ACAD11: variants seen among roughly 807,000 people sequenced by gnomAD.
ACAD11 encodes the protein acyl-CoA dehydrogenase family member 11.
Under a neutral mutation model 102.2 loss-of-function variants are expected in ACAD11, and 83 were observed. The observed-to-expected ratio is 0.81, with a 90% CI of 0.68 to 0.97. ACAD11 has a LOEUF of 0.97. Among genes scored for constraint, ACAD11 ranks in the 50% least tolerant of loss-of-function variants. The pLI is 0.00. For missense variants in ACAD11, 901 were observed against 951.7 expected (o/e 0.95, Z 0.70); for synonymous variants, 324 against 319.8 (o/e 1.01, Z -0.14).
In ACAD11 at chr3:132,642,939, G is replaced by T. The variant is rs1298564638; in HGVS notation, c.250-137C>A. ...TCAACACAAACTCCAGAGGATAATA[G>T]TAATAACTTCCCTAATAGTAATCTT... On this transcript the variant is annotated intron_variant, in intron 2 of 19. Coordinates refer to ENST00000264990, the MANE Select transcript of ACAD11 (RefSeq NM_032169.5). 2.2e-5 allele frequency: 17 copies of T among 785,294 alleles called. 1 individual carries two copies. Among genetic ancestry groups the T allele is most frequent in the African/African-American group, 2.1e-4 (12 of 56,208 alleles). 48.6% of individuals were successfully genotyped at this position (785,294 alleles called of 1,614,324 possible).
intron 11 of ACAD11, among the ~76,000 whole-genome samples, chr3:132,612,391 A>C (rs1472513521): frequency 6.6e-6 from 1 of 152,174 alleles, no homozygotes; most frequent in African/African-American, 2.4e-5. Context: ...TAATTAAACT[A>C]AAGAGCTTCT....
At chr3:132,579,298 C>A in intron 14 of ACAD11, 194 bp downstream of exon 14, 1 of 612,966 alleles carries the variant, frequency 1.6e-6, no homozygotes. Flanking sequence ...GAAGAATGTT[C>A]AGCAATACTC....
chr3:132,614,308 A>T (rs1489517318), intron 11 of ACAD11, among the ~76,000 whole-genome samples: 4 of 152,216 alleles, frequency 2.6e-5, no homozygotes, highest in Non-Finnish European at 5.9e-5. Flanking sequence ...TTCTTCACAG[A>T]ATTAGAAAAA....
chr3:132,569,689 A>T (rs1446207631), intron 17 of ACAD11, among the ~76,000 whole-genome samples: 1 of 152,216 alleles, frequency 6.6e-6, no homozygotes, highest in Non-Finnish European at 1.5e-5. Flanking sequence ...TCTCCGAGAA[A>T]TTATGTTGAG....
intron 13 of ACAD11, among the ~76,000 whole-genome samples, chr3:132,592,401 TTAGA>T (rs1576569572): frequency 6.6e-6 from 1 of 152,158 alleles, no homozygotes. Flanking sequence ...AACAGATGGC[TTAGA>T]TAAAGTAATT....
intron 10 of ACAD11, 21 bp downstream of exon 10, chr3:132,619,447 T>C: frequency 1.3e-6 from 2 of 1,530,998 alleles, no homozygotes; most frequent in Non-Finnish European, 1.8e-6. Context: ...ATGAATTTTC[T>C]AGCGTTAAAG....
At chr3:132,605,818 C>T (rs900131406) in intron 11 of ACAD11, among the ~76,000 whole-genome samples, 2 of 152,212 alleles carry the variant, frequency 1.3e-5, no homozygotes, top group African/African-American at 4.8e-5. Context: ...TTTCTATTTA[C>T]CTCTAACATT....
At chr3:132,607,459 C>T (rs1374776444) in intron 11 of ACAD11, among the ~76,000 whole-genome samples, 2 of 151,964 alleles carry the variant, frequency 1.3e-5, no homozygotes. Context: ...AAACACAGCA[C>T]GAGAACTTCG....
At chr3:132,631,643 C>T (rs1940045767) in intron 5 of ACAD11, among the ~76,000 whole-genome samples, 164 bp from the exon 6 acceptor site, 1 of 152,166 alleles carries the variant, frequency 6.6e-6, no homozygotes, top group African/African-American at 2.4e-5. Flanking sequence ...GCCAATTAGC[C>T]TTGATTATAT....
chr3:132,610,038 T>A (rs1202724520), intron 11 of ACAD11, among the ~76,000 whole-genome samples: 1 of 152,158 alleles, frequency 6.6e-6, no homozygotes, highest in African/African-American at 2.4e-5. Flanking sequence ...CACATGATTA[T>A]CTCAATAGAT....
chr3:132,627,026 G>A, intron 8 of ACAD11: 1 of 442,608 alleles, frequency 2.3e-6, no homozygotes, highest in Non-Finnish European at 4.0e-6. Context: ...AATGCTTAAA[G>A]CACTATTTGG....
At chr3:132,564,990 C>G (rs993017461) in intron 17 of ACAD11, among the ~76,000 whole-genome samples, 1 of 151,924 alleles carries the variant, frequency 6.6e-6, no homozygotes, top group Non-Finnish European at 1.5e-5. Flanking sequence ...GAGCACAGAC[C>G]AAAACAAAAC....
In ACAD11 at chr3:132,626,805, A is replaced by G. The variant is rs1292774195; in HGVS notation, c.1083T>C (p.Thr361=). The change falls in exon 9 of 20, where the codon ACT becomes ACC. Residue 361 remains threonine (T), a synonymous_variant. Coordinates refer to ENST00000264990, the MANE Select transcript of ACAD11 (RefSeq NM_032169.5). ...CAGTAGTATCAATCTGTGGTAGTAC[A>G]GTACTGAAAGTTCTTTGCCAAAAGA... ...GLQLSKRTFS[T]VLPQIDTTGQ... 1.2e-6 allele frequency: 2 copies of G among 1,605,688 alleles called. No individual in the cohort carries two copies. The highest frequency in any genetic ancestry group is 1.7e-6 in the Non-Finnish European group (2 of 1,177,942).
chr3:132,659,742 C>T lies in ACAD11; in HGVS notation c.10G>A (p.Gly4Ser). Residue 4 changes from glycine to serine, a missense_variant, in exon 1 of 20, where the codon GGT becomes AGT. Gly to Ser is a moderately conservative substitution (Grantham distance 56, BLOSUM62 0). Transcript: ENST00000264990. MKP[G>S]ATGESDLAEV... ...GCCAAATCGGACTCGCCAGTAGCACCTGGCTTCATGATCACCCCCGCAGGC... is the reference window on the plus strand; with the variant it reads ...GCCAAATCGGACTCGCCAGTAGCACTTGGCTTCATGATCACCCCCGCAGGC... The T allele has an allele frequency of 6.2e-7, 1 of 1,602,086 alleles. No homozygotes were observed. Among genetic ancestry groups the T allele is most frequent in the Non-Finnish European group, 8.5e-7 (1 of 1,173,282 alleles).
chr3:132,605,751 G>C (rs746542153), intron 11 of ACAD11, among the ~76,000 whole-genome samples: 1 of 152,160 alleles, frequency 6.6e-6, no homozygotes, highest in Admixed American at 6.5e-5. Flanking sequence ...CCTCTGCAAA[G>C]AATCTCTGAT....
rs536623414 is a variant in ACAD11 at position 132,628,770 on chromosome 3, T to C, written c.964-324A>G. On this transcript the variant is annotated intron_variant, in intron 7 of 19. Transcript: ENST00000264990. ...TAAAGATCACTACCCTCCTTCATAA[T>C]GGGGGAAAATCTAAAGAAACAAAAA... Among the ~76,000 whole-genome samples the C allele has an allele frequency of 9.2e-5, 14 of 152,210 alleles. No individual in the cohort carries two copies. The South Asian group carries it at 2.9e-3, about 32-fold the overall frequency.
At chr3:132,659,559 T>C (rs1303234433) in intron 1 of ACAD11, 44 bp downstream of exon 1, 9 of 1,606,606 alleles carry the variant, frequency 5.6e-6, no homozygotes, top group Non-Finnish European at 7.6e-6. Flanking sequence ...GAAAACTCAA[T>C]GTACAAATTT....
chr3:132,563,537 G>C (rs1309501428), intron 17 of ACAD11, among the ~76,000 whole-genome samples: 1 of 152,112 alleles, frequency 6.6e-6, no homozygotes, highest in Non-Finnish European at 1.5e-5. Flanking sequence ...AAAAAAAACT[G>C]TTGTAAATGG....
chr3:132,624,794 C>T (rs1411396067), intron 9 of ACAD11, among the ~76,000 whole-genome samples: 1 of 151,636 alleles, frequency 6.6e-6, no homozygotes, highest in African/African-American at 2.4e-5. Flanking sequence ...TCAAGCAATC[C>T]TCCCACCTCA....
Sources: allele counts gnomAD v4.1 joint callset (sites outside exome capture counted in the v4.1 genomes callset), GRCh38; gene constraint gnomAD v4.1.1; transcripts MANE v1.5; gene names NCBI Gene and HGNC (gene_info 2026-07-23, HGNC 2026-07-21).